Variants in WDPCP observed in about 807,000 individuals in gnomAD.
WDPCP encodes WD repeat containing planar cell polarity effector.
Under a neutral mutation model 93.1 loss-of-function variants are expected in WDPCP, and 71 were observed. That is an observed-to-expected ratio of 0.76 (90% CI 0.63 to 0.93). The LOEUF is 0.93. WDPCP is among the 40% of genes least tolerant of loss of function. The pLI is 0.00. For synonymous variants in WDPCP, 315 were observed against 315.0 expected, an observed-to-expected ratio of 1.00 and a Z score of 0.00; for missense variants, 844 against 887.4, an observed-to-expected ratio of 0.95 and a Z score of 0.62.
At chr2:63,323,950 G>T (rs1266307218) in intron 12 of WDPCP, among the ~76,000 whole-genome samples, 1 of 152,026 alleles carries the variant, frequency 6.6e-6, no homozygotes, top group African/African-American at 2.4e-5. Context: ...ACCACAGGCG[G>T]TTTTGTCTTT....
intron 1 of WDPCP, among the ~76,000 whole-genome samples, chr2:63,520,496 A>C (rs909239582): frequency 1.3e-5 from 2 of 152,360 alleles, no homozygotes; most frequent in Admixed American, 6.5e-5. Flanking sequence ...GAGAAGGAGC[A>C]GGTCACCTAG....
intron 14 of WDPCP, among the ~76,000 whole-genome samples, chr2:63,187,769 G>A (rs564088758): frequency 2.0e-5 from 3 of 152,202 alleles, no homozygotes; most frequent in South Asian, 2.1e-4. Context: ...TACAATATAG[G>A]ATTCTATATT....
intron 3 of WDPCP, chr2:63,643,691 C>T: frequency 2.1e-6 from 1 of 481,682 alleles, no homozygotes. Flanking sequence ...TTGTACTTAG[C>T]CTCCTCAGAT....
intron 1 of WDPCP, among the ~76,000 whole-genome samples, chr2:63,506,441 A>G (rs779163446): frequency 6.7e-6 from 1 of 149,216 alleles, no homozygotes; most frequent in Non-Finnish European, 1.5e-5. Context: ...GATAAAGGAG[A>G]AAAAAAAAAG....
chr2:63,681,897 G>C, intron 2 of WDPCP, among the ~76,000 whole-genome samples: 1 of 152,164 alleles, frequency 6.6e-6, no homozygotes, highest in East Asian at 1.9e-4. Context: ...TCGCTGCCTG[G>C]TTATCCAGAG....
At chr2:63,458,484 C>A (rs1698790684) in intron 6 of WDPCP, among the ~76,000 whole-genome samples, 4 of 152,084 alleles carry the variant, frequency 2.6e-5, no homozygotes, top group Admixed American at 2.6e-4. Context: ...AAGACAATCT[C>A]ATTTACAGTA....
intron 14 of WDPCP, among the ~76,000 whole-genome samples, chr2:63,225,462 T>C (rs941950090): frequency 6.6e-6 from 1 of 151,566 alleles, no homozygotes; most frequent in African/African-American, 2.4e-5. Flanking sequence ...TCTGGAAAAA[T>C]CCTAAGAGGT....
chr2:63,576,238 C>T (rs1457154886), intron 1 of WDPCP, among the ~76,000 whole-genome samples: 2 of 152,134 alleles, frequency 1.3e-5, no homozygotes, highest in Non-Finnish European at 2.9e-5. Flanking sequence ...GACTGTCCCC[C>T]ACCCCCCACT....
chr2:63,191,869 A>G (rs1460553235), intron 14 of WDPCP, among the ~76,000 whole-genome samples: 2 of 152,208 alleles, frequency 1.3e-5, no homozygotes, highest in African/African-American at 4.8e-5. Context: ...CAGTGTCCAA[A>G]TAAAGTTTTA....
intron 2 of WDPCP, among the ~76,000 whole-genome samples, chr2:63,808,390 G>T (rs1026759934): frequency 7.4e-6 from 1 of 135,438 alleles, no homozygotes; most frequent in Non-Finnish European, 1.5e-5. Context: ...CTCTGATGCC[G>T]AGCCGAAGCT....
intron 2 of WDPCP, among the ~76,000 whole-genome samples, chr2:63,783,730 G>A (rs559636088): frequency 6.6e-6 from 1 of 152,248 alleles, no homozygotes; most frequent in African/African-American, 2.4e-5. Flanking sequence ...GTACACCTTG[G>A]CATAAAGTGT....
intron 9 of WDPCP, 120 bp downstream of exon 9, chr2:63,433,625 G>A: frequency 1.8e-6 from 2 of 1,086,478 alleles, no homozygotes; most frequent in Non-Finnish European, 2.6e-6. Context: ...GATACTTTTT[G>A]AATATTTGAA....
At chr2:63,260,939 G>T (rs1681574614) in intron 13 of WDPCP, among the ~76,000 whole-genome samples, 1 of 152,184 alleles carries the variant, frequency 6.6e-6, no homozygotes, top group South Asian at 2.1e-4. Context: ...GTTAAGAATG[G>T]TTTTTACATT....
At chr2:63,188,657 C>CTCTT (rs1674816183) in intron 14 of WDPCP, among the ~76,000 whole-genome samples, 1 of 151,968 alleles carries the variant, frequency 6.6e-6, no homozygotes, top group African/African-American at 2.4e-5. Flanking sequence ...AAAATAGTTT[C>CTCTT]TCTTTGTTGA....
intron 2 of WDPCP, among the ~76,000 whole-genome samples, chr2:63,758,366 A>G (rs542530124): frequency 1.1e-4 from 16 of 152,294 alleles, no homozygotes; most frequent in Non-Finnish European, 1.9e-4. Flanking sequence ...TTTACCAAAA[A>G]AAAAATGACT....
intron 2 of WDPCP, chr2:63,717,229 A>G: frequency 1.9e-6 from 1 of 514,530 alleles, no homozygotes; most frequent in Admixed American, 2.3e-5. Flanking sequence ...TTTGAAAGAC[A>G]TATTGGCTGA....
chr2:63,420,126 C>CT lies in WDPCP; in HGVS notation c.825+13618dup, dbSNP rs202159289. ...TTTTAAAAGGTACACTTTATTTTTA[C>CT]TTTTTTACCATGATGCATTCAAAAC... is the stretch of plus-strand genomic sequence containing the variant. On this transcript the variant is annotated intron_variant, in intron 9 of 17. Transcript: ENST00000272321. Among the ~76,000 whole-genome samples, 941 of 151,962 alleles carry CT rather than the reference C, an allele frequency of 6.2e-3. 13 individuals carry two copies. The highest frequency in any genetic ancestry group is 0.021 in the African/African-American group (890 of 41,442).
chr2:63,579,062 C>T (rs1333044044), intron 1 of WDPCP, among the ~76,000 whole-genome samples: 1 of 152,116 alleles, frequency 6.6e-6, no homozygotes, highest in Non-Finnish European at 1.5e-5. Flanking sequence ...CTGTTCCTTA[C>T]GTTCTCCAGA....
chr2:63,183,487 G>A (rs1674396898), intron 14 of WDPCP, among the ~76,000 whole-genome samples: 1 of 152,026 alleles, frequency 6.6e-6, no homozygotes, highest in African/African-American at 2.4e-5. Context: ...TGTGGTCTGA[G>A]AAAATACTTG....
Sources: gnomAD v4.1 joint callset for allele counts (sites outside exome capture counted in the v4.1 genomes callset) on GRCh38, gnomAD v4.1.1 for gene constraint, MANE v1.5 for transcripts, NCBI Gene and HGNC (gene_info 2026-07-23, HGNC 2026-07-21) for gene names.